Variants in WDR72 observed in about 807,000 individuals in gnomAD.
The protein encoded by WDR72 is WD repeat-containing protein 72.
In WDR72, 120 loss-of-function variants were observed where a neutral mutation model predicts 124.2. The ratio of observed to expected loss-of-function variants is 0.97; its 90% CI spans 0.83 to 1.12. WDR72 has a LOEUF of 1.12. WDR72 is among the 50% of genes most tolerant of loss of function. WDR72 has a pLI of 0.00. For synonymous variants in WDR72, 452 were observed against 441.7 expected, an observed-to-expected ratio of 1.02 and a Z score of -0.29; for missense variants, 1,387 against 1,278.8, an observed-to-expected ratio of 1.08 and a Z score of -1.29.
intron 14 of WDR72, among the ~76,000 whole-genome samples, chr15:53,629,018 A>G (rs2014316689): frequency 6.6e-6 from 1 of 152,086 alleles, no homozygotes; most frequent in Non-Finnish European, 1.5e-5. Context: ...GACAACCTAG[A>G]AAAATCCTAA....
Position 53,523,327 on chromosome 15 carries a change from TAAAA to T in WDR72, c.3149-9_3149-6del, listed in dbSNP as rs1595726796. ...GCTTGACCGGGCTGACTGGAGCTAT[TAAAA>T]GAGAGAGAGAGAGAGAGAGAGACAG... is the stretch of plus-strand genomic sequence containing the variant. On this transcript the variant is annotated splice_region_variant and splice_polypyrimidine_tract_variant and intron_variant, in intron 18 of 19. Coordinates refer to ENST00000360509, the MANE Select transcript of WDR72 (RefSeq NM_182758.4). 8.9e-6 allele frequency: 14 copies of T among 1,579,896 alleles called. No individual in the cohort carries two copies. Among genetic ancestry groups the T allele is most frequent in the African/African-American group, 1.4e-5 (1 of 69,656 alleles).
At chr15:53,635,606 A>G (rs1906411) in intron 14 of WDR72, among the ~76,000 whole-genome samples, 37,828 of 151,966 alleles carry the variant, frequency 0.25, 5,072 homozygotes, top group East Asian at 0.46. Flanking sequence ...ACCAAATACC[A>G]CATGTCCTCA....
chr15:53,694,807 C>T (rs2016952153), intron 13 of WDR72, among the ~76,000 whole-genome samples: 1 of 152,122 alleles, frequency 6.6e-6, no homozygotes, highest in South Asian at 2.1e-4. Context: ...ATGGATCAAA[C>T]ATTTTCTATT....
chr15:53,711,182 G>A, intron 8 of WDR72, 154 bp downstream of exon 8: 1 of 1,109,126 alleles, frequency 9.0e-7, no homozygotes, highest in South Asian at 1.3e-5. Flanking sequence ...TACAAAGGCT[G>A]AAGCCTACCA....
intron 18 of WDR72, among the ~76,000 whole-genome samples, chr15:53,595,791 T>C (rs1029976229): frequency 6.6e-6 from 1 of 152,166 alleles, no homozygotes; most frequent in Non-Finnish European, 1.5e-5. Flanking sequence ...AATTACGTGA[T>C]ATGATGAAAC....
chr15:53,709,642 T>C (rs2017478341), intron 9 of WDR72, among the ~76,000 whole-genome samples: 1 of 152,170 alleles, frequency 6.6e-6, no homozygotes, highest in African/African-American at 2.4e-5. Flanking sequence ...TAAGCCCCAA[T>C]ACTGTTTTTG....
intron 14 of WDR72, among the ~76,000 whole-genome samples, chr15:53,664,385 C>T (rs1428956500): frequency 1.3e-5 from 2 of 152,138 alleles, no homozygotes; most frequent in African/African-American, 4.8e-5. Context: ...CCTAGACTCA[C>T]GTGTGAAATC....
chr15:53,547,048 A>G (rs1893505126), intron 18 of WDR72, among the ~76,000 whole-genome samples: 1 of 152,232 alleles, frequency 6.6e-6, no homozygotes, highest in Admixed American at 6.5e-5. Flanking sequence ...TTTCTTTGAT[A>G]TGACAAAATA....
chr15:53,707,473 G>C (rs1368207746), intron 9 of WDR72, among the ~76,000 whole-genome samples: 1 of 150,804 alleles, frequency 6.6e-6, no homozygotes, highest in Non-Finnish European at 1.5e-5. Context: ...TTGAGACAGA[G>C]TCTCGCTCTG....
intron 14 of WDR72, among the ~76,000 whole-genome samples, chr15:53,644,169 CACAA>C (rs1366468649): frequency 3.3e-5 from 5 of 152,036 alleles, no homozygotes; most frequent in Non-Finnish European, 5.9e-5. Context: ...TTTAGATAAG[CACAA>C]ACAAACGCAA....
At chr15:53,701,067 C>A (rs2017158857) in intron 12 of WDR72, among the ~76,000 whole-genome samples, 1 of 152,114 alleles carries the variant, frequency 6.6e-6, no homozygotes, top group African/African-American at 2.4e-5. Context: ...AGAGGAAACT[C>A]AAAAGTTGGT....
At chr15:53,714,353 A>G (rs1223782445) in intron 6 of WDR72, 81 bp downstream of exon 6, 3 of 1,116,034 alleles carry the variant, frequency 2.7e-6, no homozygotes, top group Non-Finnish European at 4.1e-6. Context: ...GACAATAAAC[A>G]TGTAATAGCC....
At chr15:53,751,774 C>G (rs1461413) in intron 1 of WDR72, among the ~76,000 whole-genome samples, 10,285 of 152,174 alleles carry the variant, frequency 0.068, 645 homozygotes, top group African/African-American at 0.17. Context: ...CAGCATGTAC[C>G]GGTGGGTCAG....
intron 14 of WDR72, among the ~76,000 whole-genome samples, chr15:53,628,801 C>T (rs1009455311): frequency 2.5e-4 from 38 of 151,850 alleles, no homozygotes; most frequent in African/African-American, 2.4e-4. Flanking sequence ...TTCATACCAA[C>T]AATAGATTTT....
chr15:53,647,590 T>C (rs2015087158), intron 14 of WDR72, among the ~76,000 whole-genome samples: 2 of 152,088 alleles, frequency 1.3e-5, no homozygotes, highest in Admixed American at 1.3e-4. Flanking sequence ...ATCGGTATTT[T>C]TACCAAATGC....
At chr15:53,593,354 T>C (rs1024169765) in intron 18 of WDR72, among the ~76,000 whole-genome samples, 10 of 152,098 alleles carry the variant, frequency 6.6e-5, no homozygotes, top group Non-Finnish European at 2.9e-5. Flanking sequence ...AGCACAGTAT[T>C]TAGGAGAATA....
intron 18 of WDR72, among the ~76,000 whole-genome samples, chr15:53,586,466 T>G (rs921045714): frequency 5.9e-5 from 9 of 152,092 alleles, no homozygotes; most frequent in Non-Finnish European, 8.8e-5. Flanking sequence ...CCAACCATTA[T>G]TCTCACTTCT....
chr15:53,687,447 A>G (rs1327919616), intron 13 of WDR72, among the ~76,000 whole-genome samples: 1 of 151,510 alleles, frequency 6.6e-6, no homozygotes, highest in East Asian at 2.0e-4. Flanking sequence ...TATTCAAATA[A>G]ACTAGAAAAT....
intron 14 of WDR72, among the ~76,000 whole-genome samples, chr15:53,664,816 C>G (rs2015722818): frequency 1.3e-5 from 2 of 151,732 alleles, no homozygotes; most frequent in South Asian, 4.1e-4. Flanking sequence ...AGACACACCA[C>G]ATAGAGCATA....
Sources: gnomAD v4.1 joint callset for allele counts (sites outside exome capture counted in the v4.1 genomes callset) on GRCh38, gnomAD v4.1.1 for gene constraint, MANE v1.5 for transcripts, NCBI Gene and HGNC (gene_info 2026-07-23, HGNC 2026-07-21) for gene names.